CHM: variants seen among roughly 807,000 people sequenced by gnomAD.
CHM encodes CHM Rab escort protein.
CHM carries 10 observed loss-of-function variants against 49.0 expected under a neutral mutation model. That is an observed-to-expected ratio of 0.20 (90% CI 0.13 to 0.35). CHM has a LOEUF of 0.35. Ranked by LOEUF, CHM falls within the 10% of genes least tolerant of loss-of-function variation. CHM has a pLI of 1.00. For synonymous variants in CHM, 184 were observed against 167.5 expected (o/e 1.10, Z -0.76); for missense variants, 455 against 478.4 (o/e 0.95, Z 0.46).
chrX:86,019,961 T>C (rs1933471746), intron 2 of CHM, among the ~76,000 whole-genome samples: 1 of 99,045 alleles, frequency 1.0e-5, no homozygotes, highest in Non-Finnish European at 2.0e-5. Context: ...TGCTGAAGCA[T>C]GAAATATGAG....
At chrX:85,971,599 C>T (rs1007051562) in intron 4 of CHM, 2 of 295,331 alleles carry the variant, frequency 6.8e-6, no homozygotes, top group Non-Finnish European at 1.3e-5. Flanking sequence ...AAAGACCGAG[C>T]AGCAGCAAGA....
intron 8 of CHM, among the ~76,000 whole-genome samples, chrX:85,928,829 A>G (rs1928248248): frequency 9.0e-6 from 1 of 111,493 alleles, no homozygotes; most frequent in Admixed American, 9.5e-5. Context: ...GAGATCAGAG[A>G]AAAAATGTCA....
intron 2 of CHM, among the ~76,000 whole-genome samples, chrX:86,012,600 T>A (rs1194588507): frequency 8.9e-6 from 1 of 111,795 alleles, no homozygotes; most frequent in Non-Finnish European, 1.9e-5. Flanking sequence ...CAAGGCTGAA[T>A]GCTCAGTCCT....
chrX:86,035,589 G>A (rs1260833166), intron 1 of CHM, among the ~76,000 whole-genome samples: 1 of 110,619 alleles, frequency 9.0e-6, no homozygotes, highest in Admixed American at 9.6e-5. Flanking sequence ...AGATACAAAG[G>A]AGGGCACGTG....
intron 8 of CHM, among the ~76,000 whole-genome samples, chrX:85,934,847 T>C (rs1928689213): frequency 9.0e-6 from 1 of 111,381 alleles, no homozygotes; most frequent in Non-Finnish European, 1.9e-5. Flanking sequence ...TAATATACCT[T>C]CTTGTTCATG....
chrX:85,943,029 T>C (rs55822142), intron 8 of CHM, among the ~76,000 whole-genome samples: 28,060 of 105,750 alleles, frequency 0.27, 3,186 homozygotes, highest in African/African-American at 0.37. Flanking sequence ...TTTGTCCTTG[T>C]GATAGTTTGC....
intron 2 of CHM, among the ~76,000 whole-genome samples, chrX:85,995,260 T>TAAAAAA (rs55742394): frequency 4.3e-5 from 2 of 46,810 alleles, no homozygotes; most frequent in African/African-American, 1.8e-4. Flanking sequence ...CCTTATTACT[T>TAAAAAA]AAAAAAAAAA....
At chrX:86,038,239 C>T (rs955419911) in intron 1 of CHM, among the ~76,000 whole-genome samples, 8 of 111,873 alleles carry the variant, frequency 7.2e-5, no homozygotes, top group African/African-American at 2.6e-4. Flanking sequence ...AAAGGACAGG[C>T]AGAACTCAAA....
chrX:85,925,540 G>A (rs773482733), intron 8 of CHM, among the ~76,000 whole-genome samples: 10 of 111,225 alleles, frequency 9.0e-5, no homozygotes, highest in Admixed American at 5.8e-4. Flanking sequence ...CTTTTGGGGT[G>A]TAGCAAACTA....
intron 2 of CHM, among the ~76,000 whole-genome samples, chrX:86,020,614 TTA>T (rs771239768): frequency 1.2e-4 from 12 of 101,092 alleles, no homozygotes; most frequent in Admixed American, 8.6e-4. Context: ...TTACAAAAAT[TTA>T]TATATGATAT....
At chrX:85,940,636 A>C (rs1929051638) in intron 8 of CHM, among the ~76,000 whole-genome samples, 1 of 111,115 alleles carries the variant, frequency 9.0e-6, no homozygotes, top group Admixed American at 9.6e-5. Context: ...CAAAAAAAAA[A>C]AATGTAAATA....
intron 8 of CHM, among the ~76,000 whole-genome samples, chrX:85,914,728 GC>G (rs1191986126): frequency 9.0e-6 from 1 of 111,290 alleles, no homozygotes; most frequent in Non-Finnish European, 1.9e-5. Context: ...GTATACACTT[GC>G]CTGTGCCCCA....
intron 13 of CHM, among the ~76,000 whole-genome samples, chrX:85,873,836 T>A (rs1003053447): frequency 3.1e-4 from 35 of 111,763 alleles, no homozygotes; most frequent in African/African-American, 1.1e-3. Flanking sequence ...AAATACAGGA[T>A]TAAAACTTTG....
chrX:86,037,544 TAAG>T (rs1451176436), intron 1 of CHM, among the ~76,000 whole-genome samples: 2 of 112,036 alleles, frequency 1.8e-5, no homozygotes, highest in African/African-American at 6.5e-5. Context: ...TAATTTGTGA[TAAG>T]GAGAATAGTT....
chrX:85,983,990 T>G (rs1288140255), intron 2 of CHM, among the ~76,000 whole-genome samples: 2 of 109,565 alleles, frequency 1.8e-5, no homozygotes, highest in Non-Finnish European at 3.8e-5. Context: ...TCACCTGAGG[T>G]GAGGAGGTCG....
At chrX:85,896,951 T>C (rs1925886682) in intron 11 of CHM, among the ~76,000 whole-genome samples, 1 of 97,395 alleles carries the variant, frequency 1.0e-5, no homozygotes, top group Admixed American at 1.2e-4. Flanking sequence ...TAATATATAA[T>C]ACATGAAATT....
chrX:86,022,289 T>C (rs1210561435), intron 2 of CHM, among the ~76,000 whole-genome samples: 1 of 111,990 alleles, frequency 8.9e-6, no homozygotes, highest in Non-Finnish European at 1.9e-5. Flanking sequence ...ACATGACAGA[T>C]AGAGCTGGGG....
chrX:86,006,221 T>A lies in CHM; in HGVS notation c.116+21270A>T, dbSNP rs920606556. 2.4e-4 allele frequency among the ~76,000 whole-genome samples: 27 copies of A among 111,605 alleles called. No homozygotes were observed. In the Admixed American group the frequency reaches 2.5e-3, roughly 10 times the overall value. The stretch of plus-strand genomic sequence containing the variant: ...TTTGACAAAATTTAACAGCCCTTCA[T>A]GCTAAAAACTCTCAATAAACTAGGT... On this transcript the variant is annotated intron_variant, in intron 2 of 14. Coordinates refer to ENST00000357749, the MANE Select transcript of CHM (RefSeq NM_000390.4).
chrX:86,023,858 AC>A (rs995999782), intron 2 of CHM, among the ~76,000 whole-genome samples: 2 of 111,730 alleles, frequency 1.8e-5, no homozygotes, highest in African/African-American at 6.5e-5. Context: ...GTACTTATCC[AC>A]CCATCAAATA....
Sources: allele counts gnomAD v4.1 joint callset (sites outside exome capture counted in the v4.1 genomes callset), GRCh38; gene constraint gnomAD v4.1.1; transcripts MANE v1.5; gene names NCBI Gene and HGNC (gene_info 2026-07-23, HGNC 2026-07-21).